ATG5: variants seen among roughly 807,000 people sequenced by gnomAD.
The protein encoded by ATG5 is autophagy related 5.
ATG5 carries 14 observed loss-of-function variants against 36.5 expected under a neutral mutation model. That is an observed-to-expected ratio of 0.38 (90% CI 0.25 to 0.60). The LOEUF is 0.60. Ranked by LOEUF, ATG5 falls within the 20% of genes least tolerant of loss-of-function variation. The pLI, the probability that ATG5 is intolerant of heterozygous loss-of-function variation, is 0.60. For missense variants in ATG5, 195 were observed against 326.7 expected, an observed-to-expected ratio of 0.60 and a Z score of 3.11; for synonymous variants, 95 against 101.5, an observed-to-expected ratio of 0.94 and a Z score of 0.38.
chr6:106,192,123 C>T (rs1428517886), intron 7 of ATG5, among the ~76,000 whole-genome samples: 3 of 151,994 alleles, frequency 2.0e-5, no homozygotes, highest in Admixed American at 1.3e-4. Context: ...TTTAATAGTG[C>T]TCTCAACACA....
chr6:106,214,975 G>GGAA (rs774586388), intron 6 of ATG5, among the ~76,000 whole-genome samples: 1 of 151,864 alleles, frequency 6.6e-6, no homozygotes, highest in Non-Finnish European at 1.5e-5. Context: ...TCATACCAAG[G>GGAA]GAAGTATAGT....
chr6:106,287,721 T>C (rs905367270), intron 4 of ATG5, among the ~76,000 whole-genome samples: 28 of 152,200 alleles, frequency 1.8e-4, no homozygotes, highest in African/African-American at 6.5e-4. Context: ...CATTAAACTT[T>C]TGAATCACAT....
At chr6:106,291,506 A>G (rs138286425) in intron 4 of ATG5, among the ~76,000 whole-genome samples, 12 of 152,360 alleles carry the variant, frequency 7.9e-5, no homozygotes, top group African/African-American at 2.6e-4. Context: ...GAATCCATTG[A>G]AAGGGTTTCA....
At chr6:106,318,166 T>C (rs1414067330) in intron 1 of ATG5, among the ~76,000 whole-genome samples, 1 of 152,164 alleles carries the variant, frequency 6.6e-6, no homozygotes, top group East Asian at 1.9e-4. Context: ...TTCCCTCCTC[T>C]TCAAGCACTG....
intron 6 of ATG5, among the ~76,000 whole-genome samples, chr6:106,213,721 C>T (rs961852013): frequency 5.9e-5 from 9 of 152,090 alleles, no homozygotes; most frequent in African/African-American, 1.9e-4. Flanking sequence ...CTCCCAACAA[C>T]GTACTGTGTA....
At chr6:106,189,042 C>T (rs577726652) in intron 7 of ATG5, among the ~76,000 whole-genome samples, 1 of 152,112 alleles carries the variant, frequency 6.6e-6, no homozygotes, top group African/African-American at 2.4e-5. Context: ...TGGTACCTGA[C>T]ATATACAGTA....
intron 6 of ATG5, among the ~76,000 whole-genome samples, chr6:106,218,903 T>C (rs1475376202): frequency 6.6e-6 from 1 of 151,892 alleles, no homozygotes; most frequent in Non-Finnish European, 1.5e-5. Flanking sequence ...TAAATTAAAA[T>C]AGGAAATGCT....
At chr6:106,280,653 C>T (rs1779842568) in intron 4 of ATG5, among the ~76,000 whole-genome samples, 1 of 152,112 alleles carries the variant, frequency 6.6e-6, no homozygotes, top group African/African-American at 2.4e-5. Context: ...TAACAGCTAA[C>T]AGTTACTGAA....
At chr6:106,264,504 C>T (rs1356025834) in intron 5 of ATG5, among the ~76,000 whole-genome samples, 1 of 152,070 alleles carries the variant, frequency 6.6e-6, no homozygotes, top group African/African-American at 2.4e-5. Flanking sequence ...CACTAAGATA[C>T]TCCTAAAGAA....
At chr6:106,235,773 G>T (rs1777876758) in intron 6 of ATG5, among the ~76,000 whole-genome samples, 1 of 95,542 alleles carries the variant, frequency 1.0e-5, no homozygotes, top group African/African-American at 5.9e-5. Flanking sequence ...CCTTTGTATG[G>T]GAGCTCTCTC....
At chr6:106,322,322 T>C (rs1025759126) in intron 1 of ATG5, among the ~76,000 whole-genome samples, 36 of 152,322 alleles carry the variant, frequency 2.4e-4, no homozygotes, top group Non-Finnish European at 1.9e-4. Flanking sequence ...ACTAACCTAC[T>C]ACCTGAAGTA....
chr6:106,204,561 T>G (rs1338324945), intron 6 of ATG5, among the ~76,000 whole-genome samples: 2 of 152,194 alleles, frequency 1.3e-5, no homozygotes, highest in Non-Finnish European at 2.9e-5. Flanking sequence ...AGGGAGGGAC[T>G]GTAATCCCCA....
At chr6:106,196,905 A>C (rs566831335) in intron 7 of ATG5, among the ~76,000 whole-genome samples, 4 of 151,802 alleles carry the variant, frequency 2.6e-5, no homozygotes, top group South Asian at 4.2e-4. Flanking sequence ...TAACAAAATA[A>C]ACAATATAAA....
rs778838999 is a variant in ATG5, at chr6:106,292,289, A to G, written c.315+739T>C. Among the ~76,000 whole-genome samples the G allele has an allele frequency of 6.6e-5, 10 of 152,344 alleles. No individual in the cohort carries two copies. The South Asian group carries it at 1.7e-3, about 25-fold the overall frequency. ...GAATTACTGTTCGTAATCAATTAAT[A>G]TAAGTGTTTCCAATCACAAAAACCA... On this transcript the variant is annotated intron_variant, in intron 4 of 7. Coordinates refer to ENST00000369076, the MANE Select transcript of ATG5 (RefSeq NM_004849.4).
At chr6:106,195,395 A>G (rs1297769829) in intron 7 of ATG5, among the ~76,000 whole-genome samples, 4 of 152,224 alleles carry the variant, frequency 2.6e-5, no homozygotes, top group African/African-American at 9.6e-5. Context: ...TTCATGTTTG[A>G]CACATCTGAC....
intron 5 of ATG5, among the ~76,000 whole-genome samples, 155 bp from the exon 6 acceptor site, chr6:106,248,399 C>T (rs1778434552): frequency 6.6e-6 from 1 of 152,160 alleles, no homozygotes; most frequent in Admixed American, 6.5e-5. Flanking sequence ...TTTCCATAAA[C>T]ATAAAGCAAA....
At chr6:106,271,025 C>T (rs1427710079) in intron 5 of ATG5, among the ~76,000 whole-genome samples, 2 of 152,214 alleles carry the variant, frequency 1.3e-5, no homozygotes, top group Admixed American at 6.5e-5. Context: ...TCATTCTGGA[C>T]TCCTATTCCA....
At chr6:106,301,175 ACT>A (rs758644391) in intron 3 of ATG5, among the ~76,000 whole-genome samples, 15 of 151,950 alleles carry the variant, frequency 9.9e-5, no homozygotes, top group Middle Eastern at 3.2e-3. Context: ...GAAGAAAGAG[ACT>A]CTATTTTGAG....
chr6:106,272,615 C>T (rs1036488204), intron 5 of ATG5, among the ~76,000 whole-genome samples: 1 of 152,188 alleles, frequency 6.6e-6, no homozygotes, highest in Admixed American at 6.5e-5. Context: ...TAAAAGTGAT[C>T]TGTTTAATGC....
Sources: allele counts gnomAD v4.1 joint callset (sites outside exome capture counted in the v4.1 genomes callset), GRCh38; gene constraint gnomAD v4.1.1; transcripts MANE v1.5; gene names NCBI Gene and HGNC (gene_info 2026-07-23, HGNC 2026-07-21).